Variants in B3GALT1 observed in about 807,000 individuals in gnomAD.
B3GALT1 encodes the protein beta-1,3-galactosyltransferase 1.
A neutral mutation model predicts 23.2 loss-of-function variants in B3GALT1; 10 were observed. The ratio of observed to expected loss-of-function variants is 0.43; its 90% CI spans 0.27 to 0.73. The LOEUF is 0.73. Ranked by LOEUF, B3GALT1 falls within the 30% of genes least tolerant of loss-of-function variation. The pLI is 0.21. For missense variants in B3GALT1, 299 were observed against 405.4 expected, an observed-to-expected ratio of 0.74 and a Z score of 2.25; for synonymous variants, 156 against 141.5, an observed-to-expected ratio of 1.10 and a Z score of -0.73.
chr2:167,810,454 A>G lies in B3GALT1; in HGVS notation c.-351-8218A>G, dbSNP rs1163418968. 2.6e-5 allele frequency among the ~76,000 whole-genome samples: 4 copies of G among 150,996 alleles called. 1 individual carries two copies. The highest frequency in any genetic ancestry group is 9.9e-5 in the African/African-American group (4 of 40,306). On this transcript the variant is annotated intron_variant, in intron 3 of 4. Coordinates refer to ENST00000392690, the MANE Select transcript of B3GALT1 (RefSeq NM_020981.4). ...TGTTTGTTTTTTCATTGAAAGAGAA[A>G]AGTGAACAGATTGGTATTTAGGAGC...
intron 3 of B3GALT1, among the ~76,000 whole-genome samples, chr2:167,746,153 A>C (rs1687648713): frequency 6.6e-6 from 1 of 152,128 alleles, no homozygotes; most frequent in Non-Finnish European, 1.5e-5. Context: ...CTTACATTAA[A>C]ACTGTTATTA....
At chr2:167,720,094 T>TTA (rs896263418) in intron 3 of B3GALT1, among the ~76,000 whole-genome samples, 4 of 152,152 alleles carry the variant, frequency 2.6e-5, no homozygotes, top group African/African-American at 4.8e-5. Context: ...GATTAAAATG[T>TTA]TATATATATA....
chr2:167,803,853 GGGTA>G (rs1373448107), intron 3 of B3GALT1, among the ~76,000 whole-genome samples: 3 of 152,140 alleles, frequency 2.0e-5, no homozygotes, highest in Non-Finnish European at 2.9e-5. Flanking sequence ...AGCAGTTCTA[GGGTA>G]GGCATTTAGC....
chr2:167,305,350 T>A (rs979889560), intron 1 of B3GALT1, among the ~76,000 whole-genome samples: 1 of 152,158 alleles, frequency 6.6e-6, no homozygotes, highest in Admixed American at 6.6e-5. Context: ...CATATTACCT[T>A]TGTTGAAAGT....
At chr2:167,582,084 A>G (rs1012974857) in intron 2 of B3GALT1, among the ~76,000 whole-genome samples, 1 of 152,148 alleles carries the variant, frequency 6.6e-6, no homozygotes, top group East Asian at 1.9e-4. Context: ...AACCAAGCCC[A>G]TGTTTTTTGG....
At chr2:167,333,521 G>C (rs1054455277) in intron 1 of B3GALT1, among the ~76,000 whole-genome samples, 3 of 152,182 alleles carry the variant, frequency 2.0e-5, no homozygotes, top group African/African-American at 7.2e-5. Flanking sequence ...ATGATTCTAA[G>C]GTGGCTTCCT....
intron 1 of B3GALT1, among the ~76,000 whole-genome samples, chr2:167,354,068 A>C (rs1697362151): frequency 1.3e-5 from 2 of 152,344 alleles, no homozygotes; most frequent in Admixed American, 1.3e-4. Context: ...TGCGGGATGC[A>C]GTAAGTCATA....
At chr2:167,669,974 C>T (rs779719597) in intron 3 of B3GALT1, among the ~76,000 whole-genome samples, 43 of 152,244 alleles carry the variant, frequency 2.8e-4, no homozygotes, top group South Asian at 6.2e-4. Context: ...CACAACAAGC[C>T]GCAGATTCTA....
intron 3 of B3GALT1, among the ~76,000 whole-genome samples, chr2:167,776,757 C>T (rs1688169284): frequency 6.6e-6 from 1 of 152,138 alleles, no homozygotes; most frequent in South Asian, 2.1e-4. Flanking sequence ...ATCTGAGGAA[C>T]TACAGTGGCA....
At chr2:167,775,209 A>G (rs576045060) in intron 3 of B3GALT1, among the ~76,000 whole-genome samples, 3 of 152,354 alleles carry the variant, frequency 2.0e-5, no homozygotes, top group South Asian at 4.1e-4. Context: ...TCACAACATG[A>G]AAATAAATAA....
chr2:167,597,744 C>T (rs144420036), intron 2 of B3GALT1, among the ~76,000 whole-genome samples: 14 of 152,242 alleles, frequency 9.2e-5, no homozygotes, highest in African/African-American at 3.4e-4. Flanking sequence ...TCTAGGCAGC[C>T]ATTTTGTAGA....
chr2:167,455,111 A>T lies in B3GALT1; in HGVS notation c.-510-35066A>T, dbSNP rs116990360. ...CATTTCCAAATAGAAACTTATCCAC[A>T]TATGGATTTCCATAAATGGGACAGT... On this transcript the variant is annotated intron_variant, in intron 1 of 4. Transcript: ENST00000392690. Among the ~76,000 whole-genome samples the T allele has an allele frequency of 7.4e-4, 112 of 152,328 alleles. 2 individuals are homozygous for T. The East Asian group carries it at 0.02, about 27-fold the overall frequency.
rs759551116 is a variant in B3GALT1 at position 167,376,166 on chromosome 2, A to G, written c.-511+82832A>G. ...GTCGAACCATTCTTGCATTGCAGGA[A>G]TGAAACCTACTTGATCAGGGAATGA... On this transcript the variant is annotated intron_variant, in intron 1 of 4. Coordinates refer to ENST00000392690, the MANE Select transcript of B3GALT1 (RefSeq NM_020981.4). Among the ~76,000 whole-genome samples the G allele has an allele frequency of 1.3e-3, 196 of 152,332 alleles. 3 individuals are homozygous for G. The highest frequency in any genetic ancestry group is 6.0e-4 in the Non-Finnish European group (41 of 68,026).
intron 3 of B3GALT1, among the ~76,000 whole-genome samples, chr2:167,814,014 T>TAA (rs1688942253): frequency 6.6e-6 from 1 of 152,358 alleles, no homozygotes; most frequent in East Asian, 1.9e-4. Flanking sequence ...TTTTATGACT[T>TAA]CATTAAACAA....
intron 1 of B3GALT1, among the ~76,000 whole-genome samples, chr2:167,424,550 T>C (rs1353639081): frequency 6.6e-6 from 1 of 151,472 alleles, no homozygotes; most frequent in Non-Finnish European, 1.5e-5. Flanking sequence ...TCTACATTAG[T>C]GTGTGTGTGT....
At chr2:167,597,667 A>C (rs1684805047) in intron 2 of B3GALT1, among the ~76,000 whole-genome samples, 1 of 152,186 alleles carries the variant, frequency 6.6e-6, no homozygotes, top group South Asian at 2.1e-4. Flanking sequence ...ATGAATTAGA[A>C]TGAGGTATTT....
chr2:167,670,126 G>A (rs1213474197), intron 3 of B3GALT1, among the ~76,000 whole-genome samples: 1 of 152,180 alleles, frequency 6.6e-6, no homozygotes, highest in Non-Finnish European at 1.5e-5. Flanking sequence ...TACACTAACT[G>A]ATGGTGCCTA....
intron 3 of B3GALT1, among the ~76,000 whole-genome samples, chr2:167,789,264 G>C (rs560602439): frequency 6.6e-6 from 1 of 152,228 alleles, no homozygotes; most frequent in South Asian, 2.1e-4. Flanking sequence ...CCTGATGACA[G>C]TCCTGAGCTC....
At chr2:167,729,204 C>T (rs1182744439) in intron 3 of B3GALT1, among the ~76,000 whole-genome samples, 1 of 152,158 alleles carries the variant, frequency 6.6e-6, no homozygotes, top group Non-Finnish European at 1.5e-5. Context: ...CTCACAGGGA[C>T]ACCTAAAAAT....
Sources: allele counts gnomAD v4.1 joint callset (sites outside exome capture counted in the v4.1 genomes callset), GRCh38; gene constraint gnomAD v4.1.1; transcripts MANE v1.5; gene names NCBI Gene and HGNC (gene_info 2026-07-23, HGNC 2026-07-21).